The following THAP12 variants were observed in gnomAD, a reference collection of about 807,000 sequenced individuals.
THAP12 encodes 52 kDa repressor of the inhibitor of the protein kinase.
A neutral mutation model predicts 63.0 loss-of-function variants in THAP12; 20 were observed. That is an observed-to-expected ratio of 0.32 (90% confidence interval 0.22 to 0.46). The LOEUF (loss-of-function observed/expected upper bound fraction) is 0.46. THAP12 is among the 20% of genes least tolerant of loss of function. The probability of loss-of-function intolerance (pLI) is 1.00; values close to 1 mark genes in which losing one functional copy is unlikely to be tolerated. For missense variants in THAP12, 568 were observed against 908.2 expected, an observed-to-expected ratio of 0.63 and a Z score of 4.81; for synonymous variants, 264 against 328.4, an observed-to-expected ratio of 0.80 and a Z score of 2.12.
chr11:76,352,812 A>C lies in THAP12; in HGVS notation c.356-18T>G. 1 of 1,503,306 alleles carries C rather than the reference A, an allele frequency of 6.7e-7. No individual in the cohort carries two copies. 93.1% of individuals were successfully genotyped at this position (1,503,306 alleles called of 1,614,324 possible). On this transcript the variant is annotated intron_variant, in intron 4 of 4. Transcript: ENST00000260045. The stretch of plus-strand genomic sequence containing the variant: ...TTCATCAACTGGAAAACAAAGAATT[A>C]ATTTTACAAACAGGCTCATGAAAAA...
intron 1 of THAP12, among the ~76,000 whole-genome samples, chr11:76,369,079 G>T (rs1461924089): frequency 3.3e-5 from 5 of 151,932 alleles, no homozygotes; most frequent in Non-Finnish European, 5.9e-5. Flanking sequence ...TAGGCAAGGG[G>T]CCTTGAACAG....
intron 3 of THAP12, chr11:76,356,633 T>TC (rs1946563080): frequency 6.6e-6 from 1 of 152,248 alleles, no homozygotes; most frequent in African/African-American, 2.4e-5. Flanking sequence ...AGACTTTTTT[T>TC]CTCATTCTTC....
At chr11:76,363,780 G>A (rs1365460474) in intron 2 of THAP12, among the ~76,000 whole-genome samples, 2 of 152,016 alleles carry the variant, frequency 1.3e-5, no homozygotes, top group Admixed American at 6.6e-5. Context: ...GTTTTGTTTG[G>A]TATTTTTAGT....
chr11:76,365,841 C>T lies in THAP12; in HGVS notation c.210+11G>A, dbSNP rs1302726983. The T allele has an allele frequency of 6.2e-7, 1 of 1,609,606 alleles. No individual in the cohort carries two copies. ...TCAAACAGAGAGACACCAAGCTCTT[C>T]TATTACTCACAGTTCTACAGATCAT... is the stretch of plus-strand genomic sequence containing the variant. On this transcript the variant is annotated intron_variant, in intron 2 of 4. Coordinates refer to ENST00000260045, the MANE Select transcript of THAP12 (RefSeq NM_004705.4).
chr11:76,357,070 G>C (rs1946566508), intron 3 of THAP12: 1 of 151,898 alleles, frequency 6.6e-6, no homozygotes, highest in South Asian at 2.1e-4. Flanking sequence ...AAGGATGGTT[G>C]TGTCTATACT....
chr11:76,376,981 G>A (rs1383014858), intron 1 of THAP12, among the ~76,000 whole-genome samples: 1 of 152,154 alleles, frequency 6.6e-6, no homozygotes, highest in Non-Finnish European at 1.5e-5. Context: ...AGACTAAGAT[G>A]CTCCTCTCCT....
chr11:76,365,830 A>C (rs773065804), intron 2 of THAP12, 22 bp downstream of exon 2: 38 of 1,606,372 alleles, frequency 2.4e-5, no homozygotes, highest in Non-Finnish European at 3.2e-5. Context: ...ACAGAGAGAC[A>C]CCAAGCTCTT....
intron 1 of THAP12, chr11:76,368,713 A>G (rs1946649001): frequency 6.6e-6 from 1 of 152,198 alleles, no homozygotes; most frequent in Non-Finnish European, 1.5e-5. Flanking sequence ...GAATATCTAC[A>G]TGAAAAAAAT....
rs967183457 is a variant in THAP12 at position 76,353,740 on chromosome 11, G to A, written c.356-946C>T. Among the ~76,000 whole-genome samples the A allele has an allele frequency of 2.0e-5, 3 of 152,376 alleles. No individual in the cohort carries two copies. In the East Asian group the frequency reaches 5.8e-4, roughly 29 times the overall value. ...ACATAAGACTAGGGCCGGGGGTGCA[G>A]TGGCTTACGCCTGTAATCCCAGCAC... On this transcript the variant is annotated intron_variant, in intron 4 of 4. Coordinates refer to ENST00000260045, the MANE Select transcript of THAP12 (RefSeq NM_004705.4).
intron 1 of THAP12, among the ~76,000 whole-genome samples, chr11:76,372,717 C>A (rs1946683070): frequency 6.6e-6 from 1 of 151,938 alleles, no homozygotes; most frequent in Non-Finnish European, 1.5e-5. Flanking sequence ...GAGACCTTGT[C>A]TCTATAAAAA....
In THAP12 at chr11:76,352,884, C is replaced by G. The variant is rs1040003856; in HGVS notation, c.356-90G>C. On this transcript the variant is annotated intron_variant, in intron 4 of 4. Coordinates refer to ENST00000260045, the MANE Select transcript of THAP12 (RefSeq NM_004705.4). ...ACATCTTTGGTTAAATATTTAAAAT[C>G]CACAAACTCATTCATTCAATATTCA... 3 of 1,388,192 alleles carry G rather than the reference C, an allele frequency of 2.2e-6. No homozygotes were observed. The African/African-American group carries it at 4.4e-5, about 20-fold the overall frequency. The allele number at this position is 1,388,192 out of a possible 1,614,324, so 86.0% of individuals were successfully genotyped here. A position where few individuals can be genotyped will look rare whatever the true frequency, so the allele number is the denominator to read the frequency against.
chr11:76,367,084 T>TTC (rs1408516677), intron 1 of THAP12, among the ~76,000 whole-genome samples: 1 of 151,832 alleles, frequency 6.6e-6, no homozygotes, highest in African/African-American at 2.4e-5. Flanking sequence ...TTCTTTTCTT[T>TTC]TTTTTTTTTG....
intron 1 of THAP12, among the ~76,000 whole-genome samples, chr11:76,374,110 C>T (rs1041138597): frequency 6.6e-6 from 1 of 152,174 alleles, no homozygotes; most frequent in African/African-American, 2.4e-5. Flanking sequence ...AATCTAGCCT[C>T]ATAACGATAT....
intron 2 of THAP12, among the ~76,000 whole-genome samples, chr11:76,362,729 A>G (rs1458552149): frequency 6.6e-6 from 1 of 152,256 alleles, no homozygotes; most frequent in Non-Finnish European, 1.5e-5. Context: ...GAGGGGAGGA[A>G]TAAAACATTT....
At position 76,352,228 on chromosome 11, in the gene THAP12, C is replaced by G. The variant is rs772439174; in HGVS notation, c.922G>C (p.Val308Leu). 3 of 1,611,530 alleles carry G rather than the reference C, an allele frequency of 1.9e-6. No homozygotes were observed. The highest frequency in any genetic ancestry group is 1.7e-5 in the Admixed American group (1 of 59,940). The change falls in exon 5 of 5, where the codon GTG becomes CTG. Residue 308 changes from valine (V) to leucine (L), a missense_variant. Val to Leu is a conservative substitution (Grantham distance 32). Transcript: ENST00000260045. ...TCAGTTATCATAGTGTGAAATTTCA[C>G]AGCCAAAATTTCTGCATCGGCTTCA... is the stretch of plus-strand genomic sequence containing the variant. ...PYEADAEILA[V>L]KFHTMITEKW...
In THAP12 at chr11:76,381,100, G is replaced by T. The variant is rs1483848344; in HGVS notation, c.-264C>A. ...GCCGCCGCTGGTGCACCTCCCGCCCGCCCGAGACGCTGCCGCCTCCTTCCC... is the reference window on the plus strand; with the variant it reads ...GCCGCCGCTGGTGCACCTCCCGCCCTCCCGAGACGCTGCCGCCTCCTTCCC... On this transcript the variant is annotated 5_prime_UTR_variant, in exon 1 of 5. Coordinates refer to ENST00000260045, the MANE Select transcript of THAP12 (RefSeq NM_004705.4). 1.1e-5 allele frequency: 2 copies of T among 183,532 alleles called. No individual in the cohort carries two copies. Among genetic ancestry groups the T allele is most frequent in the Non-Finnish European group, 2.2e-5 (2 of 89,546 alleles). The allele number at this position is 183,532 out of a possible 1,614,324, so 11.4% of individuals were successfully genotyped here.
chr11:76,375,097 G>A (rs969506011), intron 1 of THAP12, among the ~76,000 whole-genome samples: 3 of 152,180 alleles, frequency 2.0e-5, no homozygotes, highest in African/African-American at 4.8e-5. Context: ...GCACCCTCAC[G>A]AGTCCCCAGA....
chr11:76,366,444 G>C (rs1946631400), intron 1 of THAP12, among the ~76,000 whole-genome samples: 1 of 152,234 alleles, frequency 6.6e-6, no homozygotes, highest in African/African-American at 2.4e-5. Flanking sequence ...CACTTTGGGA[G>C]GCCAAGGCAG....
Position 76,352,808 on chromosome 11 carries a change from A to G in THAP12, c.356-14T>C. ...AAGTTTCATCAACTGGAAAACAAAG[A>G]ATTAATTTTACAAACAGGCTCATGA... On this transcript the variant is annotated splice_polypyrimidine_tract_variant and intron_variant, in intron 4 of 4. Transcript: ENST00000260045. 6.6e-7 allele frequency: 1 copy of G among 1,504,404 alleles called. No homozygotes were observed. Among genetic ancestry groups the G allele is most frequent in the Non-Finnish European group, 8.9e-7 (1 of 1,128,040 alleles). The allele number at this position is 1,504,404 out of a possible 1,614,324, so 93.2% of individuals were successfully genotyped here. A position where few individuals can be genotyped will look rare whatever the true frequency, so the allele number is the denominator to read the frequency against.
Sources: gnomAD v4.1 joint callset for allele counts (sites outside exome capture counted in the v4.1 genomes callset) on GRCh38, gnomAD v4.1.1 for gene constraint, MANE v1.5 for transcripts, NCBI Gene and HGNC (gene_info 2026-07-23, HGNC 2026-07-21) for gene names.